Variants in SUGCT observed in about 807,000 individuals in gnomAD.
SUGCT encodes the protein succinyl-CoA:glutarate CoA-transferase.
Under a neutral mutation model 55.0 loss-of-function variants are expected in SUGCT, and 41 were observed. The observed-to-expected ratio is 0.74, with a 90% CI of 0.58 to 0.97. SUGCT has a LOEUF of 0.97. Among genes scored for constraint, SUGCT ranks in the 50% least tolerant of loss-of-function variants. SUGCT has a pLI of 0.00. For missense variants in SUGCT, 568 were observed against 547.8 expected, an observed-to-expected ratio of 1.04 and a Z score of -0.37; for synonymous variants, 187 against 200.4, an observed-to-expected ratio of 0.93 and a Z score of 0.56.
the SUGCT span, among the ~76,000 whole-genome samples, chr7:40,923,258 C>T: frequency 6.6e-6 from 1 of 152,106 alleles, no homozygotes; most frequent in Non-Finnish European, 1.5e-5. Flanking sequence ...GGCAAGTTAC[C>T]ATCAGAGAAC....
At chr7:40,425,384 A>G (rs1787534365) in intron 9 of SUGCT, among the ~76,000 whole-genome samples, 1 of 152,062 alleles carries the variant, frequency 6.6e-6, no homozygotes, top group African/African-American at 2.4e-5. Flanking sequence ...ACAGAATTTT[A>G]TAGCTGGAAG....
chr7:41,000,146 T>A, the SUGCT span, among the ~76,000 whole-genome samples: 1 of 152,166 alleles, frequency 6.6e-6, no homozygotes, highest in African/African-American at 2.4e-5. Context: ...ACTCAACAAG[T>A]TCTTATTAAG....
At chr7:40,780,760 T>A (rs1789699960) in intron 13 of SUGCT, among the ~76,000 whole-genome samples, 1 of 148,502 alleles carries the variant, frequency 6.7e-6, no homozygotes, top group African/African-American at 2.4e-5. Context: ...TTTCTTTTTC[T>A]TTCTTCTTCT....
intron 9 of SUGCT, among the ~76,000 whole-genome samples, chr7:40,406,568 CAG>C (rs1786382742): frequency 6.6e-6 from 1 of 152,198 alleles, no homozygotes; most frequent in Admixed American, 6.5e-5. Context: ...CTTTCACTTT[CAG>C]AGTTTTCTCA....
At chr7:40,446,335 C>T (rs1562783442) in intron 9 of SUGCT, among the ~76,000 whole-genome samples, 1 of 152,040 alleles carries the variant, frequency 6.6e-6, no homozygotes, top group Non-Finnish European at 1.5e-5. Flanking sequence ...TTATTCGCCC[C>T]CCATCTCACC....
At chr7:40,275,309 A>G (rs1337101358) in intron 8 of SUGCT, among the ~76,000 whole-genome samples, 1 of 152,212 alleles carries the variant, frequency 6.6e-6, no homozygotes, top group African/African-American at 2.4e-5. Flanking sequence ...CCCCTTTGGT[A>G]GTCTGGTGAA....
intron 7 of SUGCT, among the ~76,000 whole-genome samples, chr7:40,253,569 AT>A (rs34615423): frequency 2.9e-3 from 441 of 150,458 alleles, no homozygotes; most frequent in African/African-American, 9.7e-3. Context: ...ATATATTTAC[AT>A]TTTTTTTTTT....
intron 9 of SUGCT, among the ~76,000 whole-genome samples, chr7:40,369,618 G>A (rs761536529): frequency 3.3e-5 from 5 of 152,150 alleles, no homozygotes; most frequent in Non-Finnish European, 7.4e-5. Flanking sequence ...GGGGGAGGGT[G>A]CAGACATCAG....
the SUGCT span, among the ~76,000 whole-genome samples, chr7:40,871,670 C>A: frequency 6.6e-6 from 1 of 151,464 alleles, no homozygotes; most frequent in South Asian, 2.1e-4. Context: ...TATAGTCCCC[C>A]CGCCCCCACC....
intron 11 of SUGCT, among the ~76,000 whole-genome samples, chr7:40,465,594 A>G (rs759090053): frequency 2.0e-5 from 3 of 152,136 alleles, no homozygotes; most frequent in Non-Finnish European, 2.9e-5. Context: ...TAGGTGACAG[A>G]GCAAGACTCT....
At chr7:40,958,299 A>G in the SUGCT span, among the ~76,000 whole-genome samples, 1 of 152,048 alleles carries the variant, frequency 6.6e-6, no homozygotes, top group Non-Finnish European at 1.5e-5. Flanking sequence ...CAGGTACACC[A>G]ATTAAGCATA....
intron 12 of SUGCT, among the ~76,000 whole-genome samples, chr7:40,596,836 G>T (rs6974959): frequency 0.015 from 2,211 of 152,106 alleles, 25 homozygotes; most frequent in Middle Eastern, 0.024. Flanking sequence ...GGTAATTTTT[G>T]TACTATGCAC....
intron 6 of SUGCT, among the ~76,000 whole-genome samples, chr7:40,221,406 CCT>C (rs1390976219): frequency 1.4e-5 from 2 of 147,868 alleles, no homozygotes; most frequent in Non-Finnish European, 3.0e-5. Context: ...AGAGCGAGAC[CCT>C]GTCTCAAAAA....
chr7:41,010,498 GC>G, the SUGCT span, among the ~76,000 whole-genome samples: 1 of 152,196 alleles, frequency 6.6e-6, no homozygotes, highest in Admixed American at 6.5e-5. Flanking sequence ...ACCAGTTCAG[GC>G]AGAGGCCTTG....
At chr7:40,168,465 T>C (rs1344567353) in intron 1 of SUGCT, among the ~76,000 whole-genome samples, 1 of 152,196 alleles carries the variant, frequency 6.6e-6, no homozygotes, top group Non-Finnish European at 1.5e-5. Context: ...GTTTTACAGC[T>C]TCACAGCTTC....
At chr7:40,624,507 G>A (rs545162092) in intron 12 of SUGCT, among the ~76,000 whole-genome samples, 181 of 152,220 alleles carry the variant, frequency 1.2e-3, no homozygotes, top group South Asian at 3.5e-3. Flanking sequence ...GAATGAAAAA[G>A]CATTAAGCCG....
intron 13 of SUGCT, among the ~76,000 whole-genome samples, chr7:40,774,467 T>G (rs111306737): frequency 6.6e-6 from 1 of 152,192 alleles, no homozygotes; most frequent in Non-Finnish European, 1.5e-5. Context: ...CAGTGTCCCA[T>G]GAAATTGATC....
Position 40,188,400 on chromosome 7 carries a change from C to G in SUGCT, c.227-95C>G. 4.5e-6 allele frequency: 4 copies of G among 882,506 alleles called. No homozygotes were observed. In the South Asian group the frequency reaches 4.8e-5, roughly 11 times the overall value. 54.7% of individuals were successfully genotyped at this position (882,506 alleles called of 1,614,324 possible). ...AGTGAGCAGAGATCGTTCCTCTGCA[C>G]TCCAGCCTGGGCAACAGAGCAAGAC... On this transcript the variant is annotated intron_variant, in intron 3 of 13. Coordinates refer to ENST00000335693, the MANE Select transcript of SUGCT (RefSeq NM_001193313.2).
chr7:40,256,998 C>A (rs1790854391), intron 7 of SUGCT, among the ~76,000 whole-genome samples: 1 of 152,092 alleles, frequency 6.6e-6, no homozygotes, highest in Non-Finnish European at 1.5e-5. Context: ...CCCACCTTGG[C>A]CTCCTAAAGT....
Sources: allele counts gnomAD v4.1 joint callset (sites outside exome capture counted in the v4.1 genomes callset), GRCh38; gene constraint gnomAD v4.1.1; transcripts MANE v1.5; gene names NCBI Gene and HGNC (gene_info 2026-07-23, HGNC 2026-07-21).